Variants in CCDC12 observed in about 807,000 individuals in gnomAD.
The protein encoded by CCDC12 is coiled-coil domain containing 12, also known as coiled-coil domain-containing protein 12.
Under a neutral mutation model 25.7 loss-of-function variants are expected in CCDC12, and 28 were observed. That is an observed-to-expected ratio of 1.09 (90% CI 0.81 to 1.50). The LOEUF (loss-of-function observed/expected upper bound fraction) is 1.50, where lower values mean the gene tolerates loss of function less well. Ranked by LOEUF, CCDC12 falls within the 40% of genes most tolerant of loss-of-function variation. CCDC12 has a pLI of 0.00. For missense variants in CCDC12, 198 were observed against 210.0 expected, an observed-to-expected ratio of 0.94 and a Z score of 0.35; for synonymous variants, 75 against 87.7, an observed-to-expected ratio of 0.86 and a Z score of 0.81.
At chr3:46,944,122 C>G (rs1182718279) in intron 1 of CCDC12, among the ~76,000 whole-genome samples, 1 of 152,190 alleles carries the variant, frequency 6.6e-6, no homozygotes, top group Non-Finnish European at 1.5e-5. Flanking sequence ...GGAGGGCTCG[C>G]AGGATCACCC....
upstream of CCDC12, chr3:46,976,931 A>T: frequency 1.3e-6 from 1 of 778,284 alleles, no homozygotes; most frequent in Non-Finnish European, 1.8e-6. Context: ...TCTTCCGGAC[A>T]ACTTGCCTAG....
chr3:46,951,063 G>A (rs2034098069), intron 1 of CCDC12, among the ~76,000 whole-genome samples: 2 of 152,278 alleles, frequency 1.3e-5, no homozygotes, highest in Middle Eastern at 3.4e-3. Flanking sequence ...AAGGCCACGA[G>A]GTCAAGGCTG....
intron 2 of CCDC12, among the ~76,000 whole-genome samples, chr3:46,927,286 T>G (rs1226680358): frequency 1.3e-5 from 2 of 151,910 alleles, no homozygotes; most frequent in Non-Finnish European, 2.9e-5. Context: ...GGAGACAAAG[T>G]GGGGCATGAC....
chr3:46,926,640 G>A (rs1052792482), intron 2 of CCDC12, among the ~76,000 whole-genome samples: 1 of 152,138 alleles, frequency 6.6e-6, no homozygotes, highest in Non-Finnish European at 1.5e-5. Context: ...GCGGCAGGGC[G>A]AGAGGTCCTG....
chr3:46,962,311 G>A (rs1216335558), intron 1 of CCDC12, among the ~76,000 whole-genome samples: 2 of 151,334 alleles, frequency 1.3e-5, no homozygotes, highest in Non-Finnish European at 2.9e-5. Flanking sequence ...GTGGGCACCT[G>A]TAATCCCAGC....
At chr3:46,931,360 TTC>T (rs2033205320) in intron 2 of CCDC12, among the ~76,000 whole-genome samples, 1 of 152,214 alleles carries the variant, frequency 6.6e-6, no homozygotes, top group African/African-American at 2.4e-5. Flanking sequence ...AAAGTTGATG[TTC>T]TCTGTCAAGT....
chr3:46,923,316 G>T lies in CCDC12; in HGVS notation c.341+13C>A. On this transcript the variant is annotated intron_variant, in intron 5 of 6. Transcript: ENST00000683445. ...GAGTCAGCCTGCACCCGCCACGCAC[G>T]GGCAACACTCACCAGTCAGGCTTCC... 2.0e-6 allele frequency: 3 copies of T among 1,479,068 alleles called. No individual in the cohort carries two copies. Among genetic ancestry groups the T allele is most frequent in the Non-Finnish European group, 2.7e-6 (3 of 1,113,526 alleles). The allele number at this position is 1,479,068 out of a possible 1,614,324, so 91.6% of individuals were successfully genotyped here. A position where few individuals can be genotyped will look rare whatever the true frequency, so the allele number is the denominator to read the frequency against.
upstream of CCDC12, chr3:46,979,976 C>T (rs1263043287): frequency 8.6e-6 from 2 of 233,756 alleles, no homozygotes; most frequent in Admixed American, 5.8e-5. Context: ...GCGCGCCCCG[C>T]GCCTGCTGCA....
intron 1 of CCDC12, among the ~76,000 whole-genome samples, chr3:46,953,691 G>A (rs1368042860): frequency 6.6e-6 from 1 of 151,572 alleles, no homozygotes; most frequent in African/African-American, 2.4e-5. Flanking sequence ...GTGCAGAAGA[G>A]GACAGGTTGA....
chr3:46,955,393 T>C (rs1207673633), intron 1 of CCDC12, among the ~76,000 whole-genome samples: 5 of 151,962 alleles, frequency 3.3e-5, no homozygotes, highest in Non-Finnish European at 7.4e-5. Context: ...AAGCAGACAG[T>C]GAACAGATAA....
At chr3:46,962,540 A>C (rs909107643) in intron 1 of CCDC12, among the ~76,000 whole-genome samples, 1 of 152,150 alleles carries the variant, frequency 6.6e-6, no homozygotes, top group Admixed American at 6.5e-5. Flanking sequence ...AGGACACATA[A>C]GGAACTTCTA....
rs1337824451 is a variant in CCDC12 at position 46,938,525 on chromosome 3, T to TG, written c.164+2472_164+2473insC. Among the ~76,000 whole-genome samples the TG allele has an allele frequency of 7.6e-5, 11 of 144,404 alleles. No homozygotes were observed. The South Asian group carries it at 9.3e-4, about 12-fold the overall frequency. The allele number at this position is 144,404 out of a possible 152,430, so 94.7% of individuals were successfully genotyped here. A position where few individuals can be genotyped will look rare whatever the true frequency, so the allele number is the denominator to read the frequency against. On this transcript the variant is annotated intron_variant, in intron 2 of 6. Transcript: ENST00000683445. ...CAGGTTTGTTCCCCTCCTGTTTTTT[T>TG]TTTTTTTTTTTTTTTTTTGGTACAA...
chr3:46,976,885 C>A, upstream of CCDC12: 1 of 1,290,632 alleles, frequency 7.7e-7, no homozygotes, highest in Non-Finnish European at 1.0e-6. Context: ...GCGAGCCCTC[C>A]CCGCCTTGCC....
At chr3:46,979,744 C>A, upstream of CCDC12, 1 of 323,602 alleles carries the variant, frequency 3.1e-6, no homozygotes, top group Middle Eastern at 8.3e-4. Flanking sequence ...AGTAGTACCG[C>A]GCCGCTCCGC....
In CCDC12 at chr3:46,922,056, C is replaced by G; in HGVS notation, c.*1G>C. On this transcript the variant is annotated 3_prime_UTR_variant, in exon 7 of 7. Coordinates refer to ENST00000683445, the MANE Select transcript of CCDC12 (RefSeq NM_001277074.2). ...GGGCGAGTGGTGGGGCAGGGCATGC[C>G]TCAGTCGGAGTCACAGGTCTTTTGT... is the stretch of plus-strand genomic sequence containing the variant. The G allele has an allele frequency of 6.2e-7, 1 of 1,613,858 alleles. No homozygotes were observed. The highest frequency in any genetic ancestry group is 1.1e-5 in the South Asian group (1 of 91,056).
upstream of CCDC12, among the ~76,000 whole-genome samples, chr3:46,980,326 C>T (rs2035233087): frequency 6.6e-6 from 1 of 152,148 alleles, no homozygotes; most frequent in Admixed American, 6.5e-5. Flanking sequence ...AGCTGCCTCT[C>T]CCTTGGGCGC....
intron 3 of CCDC12, 141 bp downstream of exon 3, chr3:46,925,315 T>C: frequency 1.3e-6 from 1 of 746,554 alleles, no homozygotes; most frequent in Non-Finnish European, 2.4e-6. Flanking sequence ...GCATCTGCCA[T>C]GAGATGGTAA....
At chr3:46,976,538 G>A in intron 1 of CCDC12, 99 bp downstream of exon 1, 2 of 1,471,848 alleles carry the variant, frequency 1.4e-6, no homozygotes, top group Non-Finnish European at 1.8e-6. Flanking sequence ...CGCGCCCTCG[G>A]CAGCTGTCTT....
chr3:46,958,317 G>T (rs1230470061), intron 1 of CCDC12, among the ~76,000 whole-genome samples: 2 of 152,124 alleles, frequency 1.3e-5, no homozygotes, highest in African/African-American at 2.4e-5. Flanking sequence ...TCCAGAGGAA[G>T]GTCTTCAGGA....
Sources: allele counts gnomAD v4.1 joint callset (sites outside exome capture counted in the v4.1 genomes callset), GRCh38; gene constraint gnomAD v4.1.1; transcripts MANE v1.5; gene names NCBI Gene and HGNC (gene_info 2026-07-23, HGNC 2026-07-21).